Variants in ITGB5 observed in about 807,000 individuals in gnomAD.
The protein encoded by ITGB5 is integrin subunit beta 5.
A neutral mutation model predicts 84.8 loss-of-function variants in ITGB5; 38 were observed. The observed-to-expected ratio is 0.45, with a 90% confidence interval of 0.35 to 0.59. The LOEUF (loss-of-function observed/expected upper bound fraction) is 0.59, where lower values mean the gene tolerates loss of function less well. ITGB5 is among the 20% of genes least tolerant of loss of function. The pLI, the probability that ITGB5 is intolerant of heterozygous loss-of-function variation, is 0.01. For missense variants in ITGB5, 905 were observed against 1,034.5 expected, an observed-to-expected ratio of 0.87 and a Z score of 1.72; for synonymous variants, 393 against 414.4, an observed-to-expected ratio of 0.95 and a Z score of 0.63.
intron 1 of ITGB5, among the ~76,000 whole-genome samples, chr3:124,877,021 A>G (rs758510635): frequency 2.0e-4 from 31 of 151,540 alleles, no homozygotes; most frequent in Non-Finnish European, 4.1e-4. Flanking sequence ...CCCAGGCTAG[A>G]GTGCAGTAGT....
intron 2 of ITGB5, among the ~76,000 whole-genome samples, chr3:124,865,027 C>T (rs1157203504): frequency 6.6e-6 from 1 of 152,196 alleles, no homozygotes; most frequent in Non-Finnish European, 1.5e-5. Context: ...GCAGCATGTG[C>T]CGCCTCCCAT....
At chr3:124,894,188 A>G (rs1283877735) in intron 1 of ITGB5, among the ~76,000 whole-genome samples, 1 of 122,458 alleles carries the variant, frequency 8.2e-6, no homozygotes, top group African/African-American at 3.1e-5. Flanking sequence ...GCTGGAGTGC[A>G]GTGGCACGAT....
intron 12 of ITGB5, 66 bp from the exon 13 acceptor site, chr3:124,766,411 G>A: frequency 6.3e-7 from 1 of 1,581,548 alleles, no homozygotes; most frequent in Non-Finnish European, 8.6e-7. Flanking sequence ...TGATGGTCGG[G>A]GCAGGGAGCC....
At chr3:124,808,588 G>T (rs542083235) in intron 9 of ITGB5, among the ~76,000 whole-genome samples, 2 of 149,616 alleles carry the variant, frequency 1.3e-5, no homozygotes, top group South Asian at 2.1e-4. Context: ...AAAACAGAAT[G>T]GGGGGAGTGG....
chr3:124,874,577 A>C (rs896420747), intron 1 of ITGB5, among the ~76,000 whole-genome samples: 2 of 152,182 alleles, frequency 1.3e-5, no homozygotes, highest in Non-Finnish European at 2.9e-5. Flanking sequence ...ACAAAGATGG[A>C]GGCATTGTGT....
At chr3:124,798,361 A>C (rs111932343) in intron 9 of ITGB5, among the ~76,000 whole-genome samples, 7 of 151,936 alleles carry the variant, frequency 4.6e-5, no homozygotes, top group African/African-American at 1.7e-4. Flanking sequence ...ATTAAAGCTA[A>C]TTTTTAAAAT....
rs564909659 is a variant in ITGB5 at position 124,813,901 on chromosome 3, A to G, written c.1128+3720T>C. On this transcript the variant is annotated intron_variant, in intron 8 of 14. Coordinates refer to ENST00000296181, the MANE Select transcript of ITGB5 (RefSeq NM_002213.5). Reference sequence around the variant, plus strand: ...CTGAAAGTTCCAACCCTCTAATCACATGGCTGGTTCCCCTGGCAACCAGCC... The same window carrying G: ...CTGAAAGTTCCAACCCTCTAATCACGTGGCTGGTTCCCCTGGCAACCAGCC... Among the ~76,000 whole-genome samples the G allele has an allele frequency of 2.6e-5, 4 of 152,252 alleles. No homozygotes were observed. In the East Asian group the frequency reaches 7.7e-4, roughly 29 times the overall value.
At chr3:124,835,185 T>G (rs2064916817) in intron 5 of ITGB5, among the ~76,000 whole-genome samples, 1 of 150,040 alleles carries the variant, frequency 6.7e-6, no homozygotes, top group South Asian at 2.2e-4. Flanking sequence ...TTCACGATAC[T>G]GAGTTATGAC....
chr3:124,861,493 T>TACAC (rs1397985645), intron 2 of ITGB5, among the ~76,000 whole-genome samples: 229 of 84,936 alleles, frequency 2.7e-3, no homozygotes, highest in African/African-American at 0.012. Context: ...TATATATATA[T>TACAC]ATACACACAC....
chr3:124,851,491 T>C (rs2065153204), intron 3 of ITGB5, among the ~76,000 whole-genome samples: 1 of 151,996 alleles, frequency 6.6e-6, no homozygotes, highest in Non-Finnish European at 1.5e-5. Context: ...TTTCCAGACA[T>C]GAGGGCTGAG....
chr3:124,807,304 T>C (rs1402869379), intron 9 of ITGB5, among the ~76,000 whole-genome samples: 1 of 152,104 alleles, frequency 6.6e-6, no homozygotes, highest in Non-Finnish European at 1.5e-5. Flanking sequence ...TAATCCCAGC[T>C]ACTTGGGAGG....
chr3:124,813,086 G>A (rs1455640316), intron 8 of ITGB5, among the ~76,000 whole-genome samples: 1 of 152,190 alleles, frequency 6.6e-6, no homozygotes, highest in Non-Finnish European at 1.5e-5. Flanking sequence ...GAGCAGAGCT[G>A]ACGAAAACCT....
chr3:124,852,214 C>CG (rs1479510663), intron 3 of ITGB5, among the ~76,000 whole-genome samples: 1 of 152,120 alleles, frequency 6.6e-6, no homozygotes, highest in East Asian at 1.9e-4. Flanking sequence ...GACACCATCC[C>CG]GGCCCATGTG....
chr3:124,842,423 A>T (rs1222145970), intron 4 of ITGB5, among the ~76,000 whole-genome samples: 1 of 152,182 alleles, frequency 6.6e-6, no homozygotes, highest in East Asian at 1.9e-4. Context: ...TGGAAGAGAG[A>T]GCTTATATTG....
chr3:124,764,565 G>T lies in ITGB5; in HGVS notation c.2138-8C>A, dbSNP rs778181052. The T allele has an allele frequency of 1.9e-6, 3 of 1,596,706 alleles. No individual in the cohort carries two copies. Among genetic ancestry groups the T allele is most frequent in the Non-Finnish European group, 2.6e-6 (3 of 1,166,222 alleles). Reference sequence around the variant, plus strand: ...TGGGGGTGTTTCCACACTCTGGGGGGACCAGAAGCATGGTAAGCAAAGCCA... The same window carrying T: ...TGGGGGTGTTTCCACACTCTGGGGGTACCAGAAGCATGGTAAGCAAAGCCA... On this transcript the variant is annotated splice_polypyrimidine_tract_variant and splice_region_variant and intron_variant, in intron 13 of 14. Transcript: ENST00000296181.
intron 3 of ITGB5, among the ~76,000 whole-genome samples, chr3:124,857,645 T>C (rs966982562): frequency 6.6e-6 from 1 of 152,192 alleles, no homozygotes; most frequent in African/African-American, 2.4e-5. Context: ...CCCTTCCCAA[T>C]AGCGTAATAC....
chr3:124,848,220 C>T, intron 4 of ITGB5, 89 bp downstream of exon 4: 1 of 1,499,994 alleles, frequency 6.7e-7, no homozygotes. Context: ...CTAACCATGC[C>T]TTCCTTAATT....
At chr3:124,894,134 C>CTTTT (rs748784158) in intron 1 of ITGB5, among the ~76,000 whole-genome samples, 3 of 104,352 alleles carry the variant, frequency 2.9e-5, no homozygotes, top group East Asian at 3.2e-4. Flanking sequence ...TGATATTTTT[C>CTTTT]TTTTTTTTTT....
Position 124,764,545 on chromosome 3 carries a change from G to A in ITGB5, c.2150C>T (p.Thr717Ile), listed in dbSNP as rs767153232. The A allele has an allele frequency of 1.2e-6, 2 of 1,611,834 alleles. No individual in the cohort carries two copies. The highest frequency in any genetic ancestry group is 2.2e-5 in the East Asian group (1 of 44,808). ...TVLREPECGN[T>I]PNAMTILLAV... ...CAGGAGGATGGTCATGGCGTTGGGG[G>A]TGTTTCCACACTCTGGGGGGACCAG... is the stretch of plus-strand genomic sequence containing the variant. The change falls in exon 14 of 15, where the codon ACC becomes ATC. Residue 717 changes from threonine (T) to isoleucine (I), a missense_variant. Thr to Ile is a moderately conservative substitution (Grantham distance 89, BLOSUM62 -1). Around this residue, in one of 3 missense-constraint regions of ITGB5, gnomAD observed 133 missense variants for 122.8 expected, o/e 1.08. Coordinates refer to ENST00000296181, the MANE Select transcript of ITGB5 (RefSeq NM_002213.5).
Sources: gnomAD v4.1 joint callset for allele counts (sites outside exome capture counted in the v4.1 genomes callset) on GRCh38, gnomAD v4.1.1 for gene constraint, gnomAD v4.1.1 regional missense constraint, MANE v1.5 for transcripts, NCBI Gene and HGNC (gene_info 2026-07-23, HGNC 2026-07-21) for gene names.